AGAP1: variants seen among roughly 807,000 people sequenced by gnomAD.
AGAP1 encodes the protein arf-GAP with GTPase, ANK repeat and PH domain-containing protein 1.
Under a neutral mutation model 105.3 loss-of-function variants are expected in AGAP1, and 29 were observed. That is an observed-to-expected ratio of 0.28 (90% CI 0.21 to 0.38). AGAP1 has a LOEUF of 0.38. Among genes scored for constraint, AGAP1 ranks in the 10% least tolerant of loss-of-function variants. The pLI is 1.00. For missense variants in AGAP1, 998 were observed against 1,165.1 expected (o/e 0.86, Z 2.09); for synonymous variants, 509 against 485.9 (o/e 1.05, Z -0.63).
Position 236,002,441 on chromosome 2 carries a change from G to A in AGAP1, c.1645+33818G>A, listed in dbSNP as rs2056162217. 6.6e-6 allele frequency among the ~76,000 whole-genome samples: 1 copy of A among 152,214 alleles called. No individual in the cohort carries two copies. The highest frequency in any genetic ancestry group is 2.4e-5 in the African/African-American group (1 of 41,450). ...CGCATGTGCACATGTGTGAGTAGGGGAGAGGCTGTGTGTTTTCATAAGCGA... is the reference window on the plus strand; with the variant it reads ...CGCATGTGCACATGTGTGAGTAGGGAAGAGGCTGTGTGTTTTCATAAGCGA... On this transcript the variant is annotated intron_variant, in intron 13 of 17. Transcript: ENST00000304032. The surrounding 1 kb of genome is among the most constrained non-coding windows in gnomAD (Gnocchi z 4.3).
chr2:235,520,157 A>G (rs1378802995), intron 1 of AGAP1, among the ~76,000 whole-genome samples: 1 of 152,254 alleles, frequency 6.6e-6, no homozygotes. Context: ...TCTCTAAAAG[A>G]TGAAAACTTA....
intron 2 of AGAP1, among the ~76,000 whole-genome samples, chr2:235,710,359 G>T (rs1031201316): frequency 3.3e-5 from 5 of 152,226 alleles, no homozygotes; most frequent in African/African-American, 7.2e-5. Flanking sequence ...AGGAAATGAA[G>T]TACAATGAGT....
At chr2:235,915,777 A>G (rs1197866890) in intron 11 of AGAP1, among the ~76,000 whole-genome samples, 1 of 152,238 alleles carries the variant, frequency 6.6e-6, no homozygotes, top group African/African-American at 2.4e-5. Flanking sequence ...GAACGTGGCT[A>G]AAGACATGTT....
In AGAP1 at chr2:235,879,878, G is replaced by C. The variant is rs1454736152; in HGVS notation, c.1051-3467G>C. Among the ~76,000 whole-genome samples, 2 of 152,150 alleles carry C rather than the reference G, an allele frequency of 1.3e-5. No homozygotes were observed. Among genetic ancestry groups the C allele is most frequent in the Admixed American group, 1.3e-4 (2 of 15,268 alleles). ...GAGCTGGAAAGTTCAAGGTTGCAGT[G>C]AGCTGTAATTGCATCAGTACACTGC... On this transcript the variant is annotated intron_variant, in intron 9 of 17. Transcript: ENST00000304032. This position sits in a 1 kb window ranked among gnomAD's most constrained non-coding sequence, Gnocchi z 5.0.
At chr2:235,717,441 C>A in intron 2 of AGAP1, 116 bp from the exon 3 acceptor site, 1 of 762,510 alleles carries the variant, frequency 1.3e-6, no homozygotes, top group Non-Finnish European at 2.1e-6. Context: ...GGCCATCCAG[C>A]CAGTGCTTGG....
chr2:235,746,903 A>G (rs1319881496), intron 5 of AGAP1, among the ~76,000 whole-genome samples: 1 of 152,170 alleles, frequency 6.6e-6, no homozygotes, highest in African/African-American at 2.4e-5. Flanking sequence ...CTGAGTTCTG[A>G]GTACACATCC....
In AGAP1 at chr2:235,599,291, G is replaced by GT. The variant is rs1357432825; in HGVS notation, c.163+104444dup. Among the ~76,000 whole-genome samples, 3 of 152,176 alleles carry GT rather than the reference G, an allele frequency of 2.0e-5. No homozygotes were observed. Among genetic ancestry groups the GT allele is most frequent in the Non-Finnish European group, 4.4e-5 (3 of 68,030 alleles). On this transcript the variant is annotated intron_variant, in intron 1 of 17. Coordinates refer to ENST00000304032, the MANE Select transcript of AGAP1 (RefSeq NM_001037131.3). The surrounding 1 kb of genome is among the most constrained non-coding windows in gnomAD (Gnocchi z 5.3). ...GGGCTGCAGTACGTTTACACTGTGT[G>GT]TTGGGGGGGTGGCAGTGTGCTTTCT...
At chr2:235,923,636 T>G (rs927390183) in intron 11 of AGAP1, among the ~76,000 whole-genome samples, 3 of 151,972 alleles carry the variant, frequency 2.0e-5, no homozygotes, top group African/African-American at 4.8e-5. Context: ...TCCGGCTCTG[T>G]GTTCTGTGTG....
chr2:235,537,832 G>A (rs1452135366), intron 1 of AGAP1, among the ~76,000 whole-genome samples: 1 of 151,764 alleles, frequency 6.6e-6, no homozygotes, highest in East Asian at 1.9e-4. Context: ...TTTTTCCTCT[G>A]TCTCTCGCCC....
chr2:235,917,041 C>T (rs2051918937), intron 11 of AGAP1, among the ~76,000 whole-genome samples: 1 of 152,168 alleles, frequency 6.6e-6, no homozygotes, highest in African/African-American at 2.4e-5. Context: ...TCTAGGATGA[C>T]AGATACCTTC....
In AGAP1 at chr2:236,123,901, G is replaced by T; in HGVS notation, c.2371-18G>T. The stretch of plus-strand genomic sequence containing the variant: ...CACATCCCCCATGATACTAATGTGG[G>T]CTCCCTTACCTCCGCAGTACGGAGT... On this transcript the variant is annotated intron_variant, in intron 17 of 17. Transcript: ENST00000304032. This position sits in a 1 kb window ranked among gnomAD's most constrained non-coding sequence, Gnocchi z 4.6. 6.2e-7 allele frequency: 1 copy of T among 1,611,918 alleles called. No individual in the cohort carries two copies. Among genetic ancestry groups the T allele is most frequent in the Non-Finnish European group, 8.5e-7 (1 of 1,179,784 alleles).
chr2:235,670,942 C>T (rs1056745006), intron 1 of AGAP1: 35 of 1,317,940 alleles, frequency 2.7e-5, no homozygotes, highest in Non-Finnish European at 3.3e-5. Flanking sequence ...GCCCGGGCGG[C>T]GGGCCCTCGC....
At chr2:235,949,578 T>A (rs1224591445) in intron 12 of AGAP1, among the ~76,000 whole-genome samples, 1 of 152,088 alleles carries the variant, frequency 6.6e-6, no homozygotes, top group African/African-American at 2.4e-5. Flanking sequence ...TGTGTAGATT[T>A]GCCGCTTTGG....
Position 235,865,960 on chromosome 2 carries a change from C to G in AGAP1, c.1051-17385C>G, listed in dbSNP as rs1254082786. On this transcript the variant is annotated intron_variant, in intron 9 of 17. Coordinates refer to ENST00000304032, the MANE Select transcript of AGAP1 (RefSeq NM_001037131.3). The surrounding 1 kb of genome is among the most constrained non-coding windows in gnomAD (Gnocchi z 6.2). Reference sequence around the variant, plus strand: ...TTCTATGTTATCGATTTACTTCTTTCACTTAACGGCATTTTCTGCAGCTTG... The same window carrying G: ...TTCTATGTTATCGATTTACTTCTTTGACTTAACGGCATTTTCTGCAGCTTG... Among the ~76,000 whole-genome samples, 2 of 152,196 alleles carry G rather than the reference C, an allele frequency of 1.3e-5. No homozygotes were observed. The highest frequency in any genetic ancestry group is 4.8e-5 in the African/African-American group (2 of 41,442).
At position 235,824,334 on chromosome 2, in the gene AGAP1, C is replaced by T. The variant is rs1958955612; in HGVS notation, c.1050+17003C>T. Among the ~76,000 whole-genome samples, 1 of 152,188 alleles carries T rather than the reference C, an allele frequency of 6.6e-6. No individual in the cohort carries two copies. The highest frequency in any genetic ancestry group is 1.5e-5 in the Non-Finnish European group (1 of 68,036). The stretch of plus-strand genomic sequence containing the variant: ...GACAGTGGCTTTAATTAGTTGATTA[C>T]TAGTTCTTTAAAATGTACTGTACTC... On this transcript the variant is annotated intron_variant, in intron 9 of 17. Coordinates refer to ENST00000304032, the MANE Select transcript of AGAP1 (RefSeq NM_001037131.3). The surrounding 1 kb of genome is among the most constrained non-coding windows in gnomAD (Gnocchi z 5.2).
rs1230330151 is a variant in AGAP1 at position 236,056,939 on chromosome 2, C to T, written c.2114+7658C>T. Reference sequence around the variant, plus strand: ...AGAACCGCCATGTTTAGCAGCACCACTCCCACTCGCCCCTGGTCAGTTTCT... The same window carrying T: ...AGAACCGCCATGTTTAGCAGCACCATTCCCACTCGCCCCTGGTCAGTTTCT... On this transcript the variant is annotated intron_variant, in intron 16 of 17. Transcript: ENST00000304032. This position sits in a 1 kb window ranked among gnomAD's most constrained non-coding sequence, Gnocchi z 4.6. Among the ~76,000 whole-genome samples, 3 of 152,206 alleles carry T rather than the reference C, an allele frequency of 2.0e-5. No homozygotes were observed. Among genetic ancestry groups the T allele is most frequent in the Non-Finnish European group, 4.4e-5 (3 of 68,032 alleles).
intron 1 of AGAP1, among the ~76,000 whole-genome samples, chr2:235,518,205 T>C (rs936622008): frequency 6.6e-6 from 1 of 152,226 alleles, no homozygotes; most frequent in African/African-American, 2.4e-5. Flanking sequence ...TCTGTAACTC[T>C]GGTGTTTAAT....
chr2:235,551,874 G>A lies in AGAP1; in HGVS notation c.163+57025G>A, dbSNP rs978174397. 6.6e-6 allele frequency among the ~76,000 whole-genome samples: 1 copy of A among 152,234 alleles called. No individual in the cohort carries two copies. The highest frequency in any genetic ancestry group is 1.5e-5 in the Non-Finnish European group (1 of 68,044). ...CTGGGCCTCAGGAGCTTCTAGTGAT[G>A]CTGGAGGCGGCCACTGCTGTCTTTC... On this transcript the variant is annotated intron_variant, in intron 1 of 17. Coordinates refer to ENST00000304032, the MANE Select transcript of AGAP1 (RefSeq NM_001037131.3). This position sits in a 1 kb window ranked among gnomAD's most constrained non-coding sequence, Gnocchi z 4.8.
intron 9 of AGAP1, 75 bp downstream of exon 9, chr2:235,807,406 C>G: frequency 7.3e-7 from 1 of 1,367,162 alleles, no homozygotes. Context: ...GATGCTGGCT[C>G]TCGCACCAAG....
Sources: allele counts gnomAD v4.1 joint callset (sites outside exome capture counted in the v4.1 genomes callset), GRCh38; gene constraint gnomAD v4.1.1; non-coding constraint Gnocchi (gnomAD v3.1); transcripts MANE v1.5; gene names NCBI Gene and HGNC (gene_info 2026-07-23, HGNC 2026-07-21).